The following DNAH1 variants were observed in gnomAD, a reference collection of about 807,000 sequenced individuals.
The protein encoded by DNAH1 is dynein axonemal heavy chain 1.
A neutral mutation model predicts 484.3 loss-of-function variants in DNAH1; 327 were observed. The observed-to-expected ratio is 0.68, with a 90% CI of 0.62 to 0.74. DNAH1 has a LOEUF of 0.74. DNAH1 is among the 30% of genes least tolerant of loss of function. DNAH1 has a pLI of 0.00. For synonymous variants in DNAH1, 2,192 were observed against 2,191.9 expected (o/e 1.00, Z 0.00); for missense variants, 5,052 against 5,546.8 (o/e 0.91, Z 2.83).
upstream of DNAH1, among the ~76,000 whole-genome samples, chr3:52,314,979 A>G (rs1400330566): frequency 6.6e-6 from 1 of 152,196 alleles, no homozygotes; most frequent in African/African-American, 2.4e-5. Flanking sequence ...TGGGCTTTCA[A>G]GGTCTTGTCT....
intron 3 of DNAH1, 109 bp downstream of exon 3, chr3:52,323,989 C>T (rs1360540894): frequency 5.0e-6 from 4 of 806,830 alleles, no homozygotes; most frequent in Non-Finnish European, 8.0e-6. Context: ...GCTTCCTTAA[C>T]TGTGGAGCGG....
chr3:52,388,665 G>C, intron 58 of DNAH1, 56 bp downstream of exon 58: 1 of 1,610,640 alleles, frequency 6.2e-7, no homozygotes, highest in Non-Finnish European at 8.5e-7. Context: ...ACAGGGGCCA[G>C]AAAGGACCAG....
At chr3:52,374,123 A>G in intron 44 of DNAH1, 1 of 1,168,736 alleles carries the variant, frequency 8.6e-7, no homozygotes. Context: ...CCTTCACAGA[A>G]TCTATGGGAA....
chr3:52,312,088 G>A (rs1337447002), upstream of DNAH1, among the ~76,000 whole-genome samples: 1 of 152,216 alleles, frequency 6.6e-6, no homozygotes, highest in Non-Finnish European at 1.5e-5. Flanking sequence ...GGAACCAGGA[G>A]GGATAGCAGG....
chr3:52,370,312 A>G (rs1703278796), intron 39 of DNAH1, 83 bp downstream of exon 39: 1 of 1,565,814 alleles, frequency 6.4e-7, no homozygotes. Flanking sequence ...TGAAAGAGAG[A>G]ATTGGATTGG....
Position 52,347,908 on chromosome 3 carries a change from G to C in DNAH1, c.2040G>C (p.Glu680Asp). 6.2e-7 allele frequency: 1 copy of C among 1,609,924 alleles called. No individual in the cohort carries two copies. Among genetic ancestry groups the C allele is most frequent in the Non-Finnish European group, 8.5e-7 (1 of 1,178,194 alleles). ...VHYSTPLEQFEASLLNLFDKG... is the reference protein window; with the variant it reads ...VHYSTPLEQFDASLLNLFDKG... ...ATAGCACCCCACTGGAGCAGTTTGA[G>C]GCATCTCTGCTGAACCTCTTCGACA... The change falls in exon 12 of 78, where the codon GAG becomes GAC. Residue 680 changes from glutamate (E) to aspartate (D), a missense_variant. Transcript: ENST00000420323.
In DNAH1 at chr3:52,397,894, T is replaced by TA. The variant is rs748048254; in HGVS notation, c.11958+19dup. The TA allele has an allele frequency of 8.8e-6, 14 of 1,590,054 alleles. No individual in the cohort carries two copies. Among genetic ancestry groups the TA allele is most frequent in the Non-Finnish European group, 1.2e-5 (14 of 1,167,010 alleles). On this transcript the variant is annotated intron_variant, in intron 74 of 77. Transcript: ENST00000420323. The stretch of plus-strand genomic sequence containing the variant: ...CGGGAGGAGGTGGGTGGTGTCAGAG[T>TA]AAGGGGCCCAAGGGCTGGACGGGCT...
rs536088715 is a variant in DNAH1, at chr3:52,390,953, G to A, written c.9640G>A (p.Asp3214Asn). 43 of 1,552,028 alleles carry A rather than the reference G, an allele frequency of 2.8e-5. No homozygotes were observed. The highest frequency in any genetic ancestry group is 3.9e-5 in the Admixed American group (2 of 51,006). Residue 3214 changes from aspartate (D) to asparagine (N), a missense_variant, in exon 61 of 78, where the codon GAC (aspartate) becomes AAC (asparagine). Physicochemically the swap from Asp to Asn is conservative, Grantham distance 23. Coordinates refer to ENST00000420323, the MANE Select transcript of DNAH1 (RefSeq NM_015512.5). ...TCCACAGATCGCTGGCCTCCCCAAC[G>A]ACACACTGTCAGTGGAGAACGGGGT... ...RSWQIAGLPNDTLSVENGVIN... is the reference protein window; with the variant it reads ...RSWQIAGLPNNTLSVENGVIN...
rs769690333 is a variant in DNAH1 at position 52,355,020 on chromosome 3, A to T, written c.3658A>T (p.Ile1220Phe). Residue 1220 changes from isoleucine (I) to phenylalanine (F), a missense_variant, in exon 21 of 78, where the codon ATC becomes TTC. Ile to Phe is a conservative substitution (Grantham distance 21). Coordinates refer to ENST00000420323, the MANE Select transcript of DNAH1 (RefSeq NM_015512.5). This position sits in a 1 kb window ranked among gnomAD's most constrained non-coding sequence, Gnocchi z 4.5. The part of the protein sequence containing the change: ...SPYKKPFEQR[I>F]NSWENKLKLT... ...CTACAAGAAGCCCTTTGAGCAGCGC[A>T]TCAACTCCTGGGAGAACAAACTGAA... 6.2e-7 allele frequency: 1 copy of T among 1,613,824 alleles called. No individual in the cohort carries two copies. The highest frequency in any genetic ancestry group is 1.3e-5 in the African/African-American group (1 of 74,936).
At position 52,388,812 on chromosome 3, in the gene DNAH1, A is replaced by T. The variant is rs776436211; in HGVS notation, c.9370A>T (p.Asn3124Tyr). 2.2e-5 allele frequency: 36 copies of T among 1,613,392 alleles called. No homozygotes were observed. The South Asian group carries it at 3.8e-4, about 17-fold the overall frequency. Residue 3124 changes from asparagine (N) to tyrosine (Y), a missense_variant, in exon 59 of 78, where the codon AAC becomes TAC. By Grantham distance (143) the Asn-to-Tyr change is moderately radical (BLOSUM62 -2). Transcript: ENST00000420323. ...QRLGRAGKLINGLSDEKVRWQ... is the reference protein window; with the variant it reads ...QRLGRAGKLIYGLSDEKVRWQ... ...CACGGGGCTGCCCCTCCAGCTCATC[A>T]ACGGGCTGTCGGATGAGAAGGTGCG...
chr3:52,395,545 AG>A lies in DNAH1; in HGVS notation c.11129del, dbSNP rs1278031711. The A allele has an allele frequency of 6.2e-7, 1 of 1,613,450 alleles. No individual in the cohort carries two copies. The highest frequency in any genetic ancestry group is 1.7e-5 in the Admixed American group (1 of 60,030). On this transcript the variant is annotated splice_acceptor_variant, in intron 69 of 77. Coordinates refer to ENST00000420323, the MANE Select transcript of DNAH1 (RefSeq NM_015512.5). LOFTEE classifies it high-confidence loss of function. The surrounding 1 kb of genome is among the most constrained non-coding windows in gnomAD (Gnocchi z 4.4). The stretch of plus-strand genomic sequence containing the variant: ...CCCTGCTCAGTGCTCTTGCCCCTGC[AG>A]GGCCCTCGGGCAGAAGCCATGATGC...
intron 5 of DNAH1, 23 bp from the exon 6 acceptor site, chr3:52,327,859 A>C (rs772721304): frequency 6.2e-7 from 1 of 1,610,610 alleles, no homozygotes; most frequent in South Asian, 1.1e-5. Context: ...GCTTCTTCCC[A>C]ATGTTGGCCT....
Position 52,361,509 on chromosome 3 carries a change from G to C in DNAH1, c.4875-152G>C, listed in dbSNP as rs1355078221. On this transcript the variant is annotated intron_variant, in intron 29 of 77. Coordinates refer to ENST00000420323, the MANE Select transcript of DNAH1 (RefSeq NM_015512.5). This position sits in a 1 kb window ranked among gnomAD's most constrained non-coding sequence, Gnocchi z 5.6. ...TCACGGCTTGGTCCTGGGGGCATTG[G>C]GGTGGGGAGTGGCAGTGGGTTGAAG... Among the ~76,000 whole-genome samples the C allele has an allele frequency of 2.0e-5, 3 of 152,214 alleles. No individual in the cohort carries two copies. Among genetic ancestry groups the C allele is most frequent in the Non-Finnish European group, 4.4e-5 (3 of 68,040 alleles).
chr3:52,348,978 A>G lies in DNAH1; in HGVS notation c.2197A>G (p.Ile733Val), dbSNP rs757777094. 1 of 1,613,442 alleles carries G rather than the reference A, an allele frequency of 6.2e-7. No homozygotes were observed. Among genetic ancestry groups the G allele is most frequent in the Non-Finnish European group, 8.5e-7 (1 of 1,179,876 alleles). Reference protein sequence around the residue: ...EPLVEELRATIASAVSKAMIP... With the variant: ...EPLVEELRATVASAVSKAMIP... ...ACTGGTGGAAGAGCTACGGGCCACC[A>G]TTGCCAGTGCCGTGTCCAAGGCCAT... Residue 733 changes from isoleucine to valine, a missense_variant, in exon 13 of 78, where the codon ATT becomes GTT. This residue lies in a region of DNAH1 where 1,263 missense variants were observed against 1,218.8 expected (regional missense o/e 1.04). Transcript: ENST00000420323.
intron 9 of DNAH1, among the ~76,000 whole-genome samples, chr3:52,345,016 G>T (rs1702088497): frequency 1.3e-5 from 2 of 152,180 alleles, no homozygotes; most frequent in Non-Finnish European, 1.5e-5. Flanking sequence ...GGACCCCGGG[G>T]CCCAAGAACC....
intron 15 of DNAH1, 30 bp downstream of exon 15, chr3:52,350,138 G>A (rs776887301): frequency 3.1e-6 from 5 of 1,601,524 alleles, no homozygotes; most frequent in Non-Finnish European, 3.4e-6. Flanking sequence ...ACTGGGGCCA[G>A]GGAGGCACAG....
intron 22 of DNAH1, among the ~76,000 whole-genome samples, chr3:52,357,033 T>G (rs529849177): frequency 7.3e-5 from 11 of 151,192 alleles, no homozygotes; most frequent in East Asian, 1.9e-4. Flanking sequence ...TCTGTTTTTT[T>G]TTTTTTGTTT....
chr3:52,371,050 T>C (rs1422317098), intron 41 of DNAH1, among the ~76,000 whole-genome samples: 1 of 152,194 alleles, frequency 6.6e-6, no homozygotes, highest in Non-Finnish European at 1.5e-5. Flanking sequence ...AGGGCTGGGC[T>C]AAGAGGGGAG....
intron 3 of DNAH1, among the ~76,000 whole-genome samples, chr3:52,325,856 G>C (rs888920113): frequency 6.6e-6 from 1 of 152,170 alleles, no homozygotes; most frequent in African/African-American, 2.4e-5. Context: ...AATGGCCCCT[G>C]GTGCTGGGTG....
Sources: allele counts gnomAD v4.1 joint callset (sites outside exome capture counted in the v4.1 genomes callset), GRCh38; gene constraint gnomAD v4.1.1; regional missense constraint gnomAD v4.1.1; non-coding constraint Gnocchi (gnomAD v3.1); transcripts MANE v1.5; gene names NCBI Gene and HGNC (gene_info 2026-07-23, HGNC 2026-07-21).